Variants in TMEM223 observed in about 807,000 individuals in gnomAD.
TMEM223 encodes transmembrane protein 223.
In TMEM223, 14 loss-of-function variants were observed where a neutral mutation model predicts 14.1. That is an observed-to-expected ratio of 0.99 (90% CI 0.66 to 1.55). The LOEUF is 1.55. Ranked by LOEUF, TMEM223 falls within the 40% of genes most tolerant of loss-of-function variation. The probability of loss-of-function intolerance (pLI) is 0.00; values close to 1 mark genes in which losing one functional copy is unlikely to be tolerated. For synonymous variants in TMEM223, 145 were observed against 120.5 expected, an observed-to-expected ratio of 1.20 and a Z score of -1.33; for missense variants, 346 against 269.9, an observed-to-expected ratio of 1.28 and a Z score of -1.97.
At chr11:62,786,195 A>T (rs1590939277), downstream of TMEM223, 9 of 1,555,282 alleles carry the variant, frequency 5.8e-6, no homozygotes, top group East Asian at 2.0e-4. Flanking sequence ...CTTTCATGGG[A>T]AAGGGTCCTT....
chr11:62,789,581 CTG>C (rs1015704396), downstream of TMEM223: 2 of 1,549,990 alleles, frequency 1.3e-6, no homozygotes, highest in Non-Finnish European at 1.7e-6. Context: ...TTTCTCACAA[CTG>C]TCTCTTTGAC....
downstream of TMEM223, chr11:62,786,634 C>T: frequency 6.2e-7 from 1 of 1,602,484 alleles, no homozygotes; most frequent in Non-Finnish European, 8.5e-7. Context: ...CCTTCTCTTT[C>T]AAGAGTCGTC....
downstream of TMEM223, among the ~76,000 whole-genome samples, chr11:62,784,452 G>A (rs186977272): frequency 9.4e-3 from 1,426 of 151,116 alleles, 22 homozygotes; most frequent in African/African-American, 0.033. Context: ...GACTACAGGC[G>A]CCCGCCACCA....
downstream of TMEM223, chr11:62,787,433 T>C (rs750361699): frequency 3.2e-6 from 5 of 1,564,120 alleles, no homozygotes; most frequent in African/African-American, 2.7e-5. Context: ...CAGGGCGCCA[T>C]GGCGCTGTCC....
chr11:62,787,436 C>G (rs753849686), downstream of TMEM223: 11 of 1,565,744 alleles, frequency 7.0e-6, 1 homozygote, highest in South Asian at 8.0e-5. Context: ...GGCGCCATGG[C>G]GCTGTCCTGG....
chr11:62,775,407 A>C (rs1446870285), intron 1 of TMEM223, among the ~76,000 whole-genome samples: 1 of 152,144 alleles, frequency 6.6e-6, no homozygotes, highest in Non-Finnish European at 1.5e-5. Flanking sequence ...CAGTCATCTC[A>C]TTTTCACAGC....
chr11:62,786,387 T>A, downstream of TMEM223: 1 of 1,613,386 alleles, frequency 6.2e-7, no homozygotes, highest in South Asian at 1.1e-5. Context: ...GGAGCCATTC[T>A]GGTGAGTACC....
At chr11:62,788,128 C>T (rs553237265), downstream of TMEM223, among the ~76,000 whole-genome samples, 60 of 152,332 alleles carry the variant, frequency 3.9e-4, no homozygotes, top group East Asian at 9.6e-4. Context: ...ATCCGCCGGG[C>T]GCGGTGACTC....
chr11:62,775,733 G>T (rs2084182063), intron 1 of TMEM223: 2 of 1,567,818 alleles, frequency 1.3e-6, no homozygotes, highest in Non-Finnish European at 1.7e-6. Flanking sequence ...TCTCCGGGAG[G>T]CTGGGCAGCT....
In TMEM223 at chr11:62,790,522, A is replaced by G. The variant is rs1173714495; in HGVS notation, c.*101T>C. On this transcript the variant is annotated 3_prime_UTR_variant, in exon 2 of 2. Coordinates refer to ENST00000307366, the MANE Select transcript of TMEM223 (RefSeq NM_001080501.3). Reference sequence around the variant, plus strand: ...AGCAGTGCTCCTGCCTCACCCTCCCAAAGTGCTGGGATTACAACAGGTGTG... The same window carrying G: ...AGCAGTGCTCCTGCCTCACCCTCCCGAAGTGCTGGGATTACAACAGGTGTG... The G allele has an allele frequency of 2.5e-5, 29 of 1,166,220 alleles. No homozygotes were observed. Among genetic ancestry groups the G allele is most frequent in the Admixed American group, 7.9e-5 (3 of 37,892 alleles). The allele number at this position is 1,166,220 out of a possible 1,614,324, so 72.2% of individuals were successfully genotyped here.
chr11:62,777,865 T>G, intron 1 of TMEM223: 4 of 1,304,608 alleles, frequency 3.1e-6, no homozygotes, highest in South Asian at 1.5e-5. Context: ...TTGGGACTTC[T>G]GGACTTCCTT....
At chr11:62,787,728 T>G, downstream of TMEM223, 1 of 709,946 alleles carries the variant, frequency 1.4e-6, no homozygotes, top group Non-Finnish European at 2.3e-6. Context: ...TACTTCGAAG[T>G]TGTCCCCTCG....
chr11:62,789,234 A>G (rs1565193537), downstream of TMEM223: 2 of 1,613,896 alleles, frequency 1.2e-6, no homozygotes, highest in Admixed American at 3.3e-5. Context: ...CCTGAGGGCC[A>G]GGGGCTGAGG....
chr11:62,787,424 A>AG (rs1491018913), downstream of TMEM223: 1 of 1,560,268 alleles, frequency 6.4e-7, no homozygotes, highest in Non-Finnish European at 8.6e-7. Context: ...CCTGGTGGTC[A>AG]GGGCGCCATG....
downstream of TMEM223, chr11:62,786,599 G>T (rs532014327): frequency 8.2e-6 from 13 of 1,583,032 alleles, no homozygotes; most frequent in African/African-American, 1.5e-4. Flanking sequence ...GGGTGCCGGC[G>T]CCTGGACGAC....
downstream of TMEM223, among the ~76,000 whole-genome samples, chr11:62,784,099 C>CT (rs1414355653): frequency 6.8e-6 from 1 of 146,618 alleles, no homozygotes; most frequent in East Asian, 2.0e-4. Flanking sequence ...AGTGATTCTC[C>CT]TGCCTCAGCC....
chr11:62,786,311 C>G (rs147174923), downstream of TMEM223: 37 of 1,614,176 alleles, frequency 2.3e-5, no homozygotes, highest in Non-Finnish European at 4.2e-6. Context: ...GACAAACTTG[C>G]AGGCTGTGCT....
chr11:62,782,388 G>C, intron 1 of TMEM223: 1 of 1,572,274 alleles, frequency 6.4e-7, no homozygotes, highest in Non-Finnish European at 8.6e-7. Flanking sequence ...AAGTGGGTTG[G>C]GGTAAGGAAA....
At chr11:62,781,797 A>G in intron 1 of TMEM223, 1 of 1,043,126 alleles carries the variant, frequency 9.6e-7, no homozygotes, top group Non-Finnish European at 1.5e-6. Flanking sequence ...AAATTGTAAA[A>G]CATGAATAAG....
Sources: allele counts gnomAD v4.1 joint callset (sites outside exome capture counted in the v4.1 genomes callset), GRCh38; gene constraint gnomAD v4.1.1; transcripts MANE v1.5; gene names NCBI Gene and HGNC (gene_info 2026-07-23, HGNC 2026-07-21).